GLIS3: variants seen among roughly 807,000 people sequenced by gnomAD.
GLIS3 encodes the protein GLIS family zinc finger 3, also known as zinc finger protein GLIS3.
Under a neutral mutation model 78.6 loss-of-function variants are expected in GLIS3, and 53 were observed. That is an observed-to-expected ratio of 0.67 (90% CI 0.54 to 0.85). The LOEUF (loss-of-function observed/expected upper bound fraction) is 0.85. GLIS3 is among the 40% of genes least tolerant of loss of function. The pLI is 0.00. For missense variants in GLIS3, 1,703 were observed against 1,231.1 expected, an observed-to-expected ratio of 1.38 and a Z score of -5.74; for synonymous variants, 684 against 509.9, an observed-to-expected ratio of 1.34 and a Z score of -4.60.
intron 2 of GLIS3, among the ~76,000 whole-genome samples, chr9:4,145,468 T>C (rs368254256): frequency 1.3e-5 from 2 of 152,162 alleles, no homozygotes; most frequent in East Asian, 1.9e-4. Context: ...GTACAACCAA[T>C]TGATTGGAAC....
At chr9:4,023,128 G>C (rs1265593548) in intron 4 of GLIS3, among the ~76,000 whole-genome samples, 2 of 152,108 alleles carry the variant, frequency 1.3e-5, no homozygotes, top group African/African-American at 4.8e-5. Flanking sequence ...TTTACATATT[G>C]AACTCCAGTG....
In GLIS3 at chr9:3,825,655, A is replaced by G. The variant is rs1817687378; in HGVS notation, c.*2617T>C. The stretch of plus-strand genomic sequence containing the variant: ...AAAATAATGATGAATATATATATAA[A>G]TCTTCTGCAGTGTGAAAGTAAGCAA... On this transcript the variant is annotated 3_prime_UTR_variant, in exon 11 of 11. Transcript: ENST00000381971. The G allele has an allele frequency of 6.6e-6, 1 of 152,190 alleles. No individual in the cohort carries two copies. Among genetic ancestry groups the G allele is most frequent in the Admixed American group, 6.5e-5 (1 of 15,286 alleles). 9.4% of individuals were successfully genotyped at this position (152,190 alleles called of 1,614,324 possible).
chr9:4,344,492 T>A (rs1052071684), intron 2 of GLIS3, among the ~76,000 whole-genome samples: 1 of 152,232 alleles, frequency 6.6e-6, no homozygotes, highest in Non-Finnish European at 1.5e-5. Context: ...CTCTCACCTC[T>A]AAGTGTAAAG....
At chr9:4,428,919 C>A in the GLIS3 span, among the ~76,000 whole-genome samples, 1 of 152,174 alleles carries the variant, frequency 6.6e-6, no homozygotes, top group South Asian at 2.1e-4. Context: ...CACCCCCATA[C>A]CAATTCATCA....
chr9:4,340,928 C>A (rs540338350), intron 2 of GLIS3, among the ~76,000 whole-genome samples: 2 of 152,224 alleles, frequency 1.3e-5, no homozygotes, highest in Admixed American at 6.5e-5. Context: ...ACACCTGCCT[C>A]GGCCTCCCAA....
Position 4,216,279 on chromosome 9 carries a change from T to C in GLIS3, c.388+69759A>G, listed in dbSNP as rs530523869. Among the ~76,000 whole-genome samples the C allele has an allele frequency of 3.9e-5, 6 of 151,992 alleles. No homozygotes were observed. In the East Asian group the frequency reaches 7.8e-4, roughly 20 times the overall value. On this transcript the variant is annotated intron_variant, in intron 2 of 10. Transcript: ENST00000381971. ...TGAGGTCAGGAAATCGAGACCATCC[T>C]GGCTAACATGGTGAAACCCCGCCTC... is the stretch of plus-strand genomic sequence containing the variant.
intron 3 of GLIS3, among the ~76,000 whole-genome samples, chr9:4,124,403 G>C (rs1832412771): frequency 1.3e-5 from 2 of 152,188 alleles, no homozygotes; most frequent in African/African-American, 4.8e-5. Context: ...CCTGACTACT[G>C]TCAGTTTCAC....
At chr9:4,150,026 G>A (rs1008795138) in intron 2 of GLIS3, among the ~76,000 whole-genome samples, 8 of 149,522 alleles carry the variant, frequency 5.4e-5, no homozygotes, top group Admixed American at 2.0e-4. Flanking sequence ...ATGCACGTGC[G>A]GGTGCACGCA....
chr9:4,261,075 C>G (rs1051109890), intron 2 of GLIS3, among the ~76,000 whole-genome samples: 1 of 152,294 alleles, frequency 6.6e-6, no homozygotes, highest in Non-Finnish European at 1.5e-5. Flanking sequence ...GCCCAAGCAG[C>G]AAGTACAAGC....
chr9:4,130,857 C>G (rs1832922961), intron 2 of GLIS3, among the ~76,000 whole-genome samples: 1 of 152,170 alleles, frequency 6.6e-6, no homozygotes, highest in Admixed American at 6.5e-5. Flanking sequence ...GGTAGGTGCA[C>G]TGTCAGCTTG....
At chr9:3,864,164 G>C (rs1337873964) in intron 8 of GLIS3, among the ~76,000 whole-genome samples, 4 of 152,168 alleles carry the variant, frequency 2.6e-5, no homozygotes, top group Non-Finnish European at 4.4e-5. Flanking sequence ...AATCTGCAAT[G>C]ATATCATCTC....
intron 4 of GLIS3, among the ~76,000 whole-genome samples, chr9:4,019,233 C>A (rs1822675961): frequency 6.6e-6 from 1 of 152,192 alleles, no homozygotes; most frequent in Admixed American, 6.5e-5. Flanking sequence ...ACGGTGCTCT[C>A]ATCTTTGTGA....
intron 4 of GLIS3, among the ~76,000 whole-genome samples, chr9:4,074,223 G>C (rs1827866810): frequency 1.3e-5 from 2 of 152,168 alleles, no homozygotes; most frequent in Non-Finnish European, 2.9e-5. Flanking sequence ...GGTCATTTCA[G>C]GGTGGGTCCC....
At chr9:3,966,375 T>C (rs918561461) in intron 4 of GLIS3, among the ~76,000 whole-genome samples, 1 of 152,048 alleles carries the variant, frequency 6.6e-6, no homozygotes. Flanking sequence ...CCAAGAATTA[T>C]GACACTGTAA....
At chr9:4,244,850 A>G (rs1465881236) in intron 2 of GLIS3, among the ~76,000 whole-genome samples, 7 of 152,210 alleles carry the variant, frequency 4.6e-5, no homozygotes, top group African/African-American at 1.7e-4. Context: ...TGCTGAGATT[A>G]CAGGTGTAAG....
chr9:3,858,863 T>C (rs560742091), intron 8 of GLIS3, among the ~76,000 whole-genome samples: 18 of 152,366 alleles, frequency 1.2e-4, no homozygotes, highest in African/African-American at 4.3e-4. Flanking sequence ...ATATATAGGA[T>C]TGATTTTCAA....
intron 4 of GLIS3, among the ~76,000 whole-genome samples, chr9:4,075,235 A>C (rs578101725): frequency 6.6e-6 from 1 of 152,246 alleles, no homozygotes; most frequent in South Asian, 2.1e-4. Flanking sequence ...AACTTTTATC[A>C]ATTAGATGTC....
intron 4 of GLIS3, among the ~76,000 whole-genome samples, chr9:3,948,501 G>C (rs1307539190): frequency 6.6e-6 from 1 of 152,090 alleles, no homozygotes; most frequent in Non-Finnish European, 1.5e-5. Context: ...TAATTCTTAT[G>C]AAAAATACCT....
At chr9:4,114,942 G>T (rs76316304) in intron 4 of GLIS3, among the ~76,000 whole-genome samples, 2,035 of 152,304 alleles carry the variant, frequency 0.013, 26 homozygotes, top group Middle Eastern at 0.11. Flanking sequence ...CCTGAATGAT[G>T]TGAATCCCAG....
Sources: gnomAD v4.1 joint callset for allele counts (sites outside exome capture counted in the v4.1 genomes callset) on GRCh38, gnomAD v4.1.1 for gene constraint, MANE v1.5 for transcripts, NCBI Gene and HGNC (gene_info 2026-07-23, HGNC 2026-07-21) for gene names.